The following LRP1B variants were observed in gnomAD, a reference collection of about 807,000 sequenced individuals.
The protein encoded by LRP1B is low-density lipoprotein receptor-related protein 1B.
In LRP1B, 217 loss-of-function variants were observed where a neutral mutation model predicts 556.6. That is an observed-to-expected ratio of 0.39 (90% CI 0.35 to 0.44). The LOEUF (loss-of-function observed/expected upper bound fraction) is 0.44, where lower values mean the gene tolerates loss of function less well. LRP1B is among the 20% of genes least tolerant of loss of function. The pLI is 1.00. For synonymous variants in LRP1B, 2,047 were observed against 1,865.8 expected (o/e 1.10, Z -2.50); for missense variants, 5,053 against 5,620.8 (o/e 0.90, Z 3.23).
chr2:141,751,139 G>C (rs927446575), intron 2 of LRP1B, among the ~76,000 whole-genome samples: 2 of 151,846 alleles, frequency 1.3e-5, no homozygotes, highest in Non-Finnish European at 2.9e-5. Context: ...AGATATACTG[G>C]AGGAAAAAGT....
rs2105445529 is a variant in LRP1B, at chr2:141,049,020, T to C, written c.1755A>G (p.Ile585Met). 6.2e-7 allele frequency: 1 copy of C among 1,613,486 alleles called. No homozygotes were observed. The highest frequency in any genetic ancestry group is 1.1e-5 in the South Asian group (1 of 91,068). ...GGATGGTTTCTCTCTCTGTGCCATC[T>C]ATCTTCTGCCGGCCAATTAGGAAAC... ...TTSFLIGRQK[I>M]DGTERETILK... Residue 585 changes from isoleucine (I) to methionine (M), a missense_variant, in exon 11 of 91, where the codon ATA (isoleucine) becomes ATG (methionine). By Grantham distance (10) the Ile-to-Met change is conservative (BLOSUM62 1). Around this residue, in one of 5 missense-constraint regions of LRP1B, gnomAD observed 3,619 missense variants for 3,931.9 expected, o/e 0.92. Transcript: ENST00000389484.
intron 1 of LRP1B, among the ~76,000 whole-genome samples, chr2:141,850,284 A>G (rs1375371585): frequency 6.6e-6 from 1 of 151,718 alleles, no homozygotes; most frequent in African/African-American, 2.4e-5. Context: ...GTACTTAGCA[A>G]AACAATCTGA....
At chr2:140,741,729 T>C (rs540189604) in intron 35 of LRP1B, among the ~76,000 whole-genome samples, 1 of 151,624 alleles carries the variant, frequency 6.6e-6, no homozygotes, top group South Asian at 2.1e-4. Flanking sequence ...AGTCAGAACA[T>C]CCACTATTTG....
intron 12 of LRP1B, among the ~76,000 whole-genome samples, chr2:141,017,163 T>C (rs1157338107): frequency 1.3e-5 from 2 of 151,738 alleles, no homozygotes; most frequent in African/African-American, 4.8e-5. Flanking sequence ...GATTTTTTAA[T>C]TGGGACAACT....
chr2:141,188,075 C>T (rs752140392), intron 7 of LRP1B, among the ~76,000 whole-genome samples: 7 of 151,848 alleles, frequency 4.6e-5, no homozygotes, highest in East Asian at 1.9e-4. Context: ...GGTTTGCTAA[C>T]GAAAAAGTCC....
intron 55 of LRP1B, among the ~76,000 whole-genome samples, chr2:140,500,121 T>G (rs986981158): frequency 2.6e-5 from 4 of 152,008 alleles, no homozygotes; most frequent in African/African-American, 4.8e-5. Flanking sequence ...TGTAATATAT[T>G]GTTTATGAAT....
intron 41 of LRP1B, among the ~76,000 whole-genome samples, chr2:140,637,560 G>A (rs1265623948): frequency 6.6e-5 from 10 of 152,008 alleles, no homozygotes; most frequent in Non-Finnish European, 7.4e-5. Flanking sequence ...TATGAATTTT[G>A]TTTTAGAGTT....
intron 9 of LRP1B, among the ~76,000 whole-genome samples, chr2:141,058,667 C>T (rs535363885): frequency 6.6e-6 from 1 of 151,932 alleles, no homozygotes; most frequent in African/African-American, 2.4e-5. Flanking sequence ...GCTATCATTT[C>T]AATTCTATCA....
Position 140,592,744 on chromosome 2 carries a change from A to G in LRP1B, c.7194+5887T>C, listed in dbSNP as rs369271618. 9.2e-5 allele frequency among the ~76,000 whole-genome samples: 14 copies of G among 152,278 alleles called. No homozygotes were observed. The East Asian group carries it at 1.4e-3, about 15-fold the overall frequency. ...TTTATGGAATAAAACAACTGATTTT[A>G]AAAGTAGAAAGATAGAGAGACCCCC... On this transcript the variant is annotated intron_variant, in intron 43 of 90. Coordinates refer to ENST00000389484, the MANE Select transcript of LRP1B (RefSeq NM_018557.3).
At chr2:141,905,778 T>C (rs1321183212) in intron 1 of LRP1B, among the ~76,000 whole-genome samples, 2 of 149,790 alleles carry the variant, frequency 1.3e-5, no homozygotes, top group Admixed American at 6.7e-5. Context: ...TGTGTGTGTG[T>C]GTGTGTGTGT....
intron 66 of LRP1B, among the ~76,000 whole-genome samples, chr2:140,409,277 G>T (rs1553461238): frequency 1.3e-5 from 2 of 151,786 alleles, no homozygotes; most frequent in Non-Finnish European, 2.9e-5. Flanking sequence ...TATAAAGTCG[G>T]TGATGTGATA....
intron 6 of LRP1B, among the ~76,000 whole-genome samples, chr2:141,216,910 C>G (rs575503015): frequency 6.6e-6 from 1 of 152,076 alleles, no homozygotes; most frequent in Admixed American, 6.5e-5. Context: ...CTTGATTTTA[C>G]AGGCTTATAA....
At chr2:141,220,668 G>T (rs902142581) in intron 6 of LRP1B, among the ~76,000 whole-genome samples, 1 of 148,234 alleles carries the variant, frequency 6.7e-6, no homozygotes, top group Non-Finnish European at 1.5e-5. Flanking sequence ...CAGAGAGAAA[G>T]GCCAGGTCAC....
chr2:141,959,034 C>G (rs781699943), intron 1 of LRP1B, among the ~76,000 whole-genome samples: 1 of 151,954 alleles, frequency 6.6e-6, no homozygotes, highest in Non-Finnish European at 1.5e-5. Context: ...AATTAATCAG[C>G]CTTACCATCT....
At chr2:141,733,249 C>CATGACCAAATTT (rs1693344350) in intron 2 of LRP1B, among the ~76,000 whole-genome samples, 1 of 152,106 alleles carries the variant, frequency 6.6e-6, no homozygotes, top group Non-Finnish European at 1.5e-5. Flanking sequence ...CATGATACCA[C>CATGACCAAATTT]AAGGTTCCAG....
intron 45 of LRP1B, among the ~76,000 whole-genome samples, chr2:140,538,868 T>C (rs1257211282): frequency 6.6e-6 from 1 of 151,832 alleles, no homozygotes; most frequent in East Asian, 2.0e-4. Flanking sequence ...TTTATAATCT[T>C]AGTGCCTTTG....
At chr2:140,843,678 C>T (rs1216807946) in intron 29 of LRP1B, among the ~76,000 whole-genome samples, 2 of 152,154 alleles carry the variant, frequency 1.3e-5, no homozygotes, top group African/African-American at 4.8e-5. Context: ...AATAGGCTAG[C>T]TGATCAACAA....
intron 83 of LRP1B, among the ~76,000 whole-genome samples, chr2:140,298,712 C>T (rs1046109622): frequency 3.9e-5 from 6 of 152,034 alleles, no homozygotes; most frequent in African/African-American, 1.2e-4. Flanking sequence ...GGACTAACAT[C>T]AGGATGAAAG....
At chr2:141,020,389 T>A (rs1698031064) in intron 11 of LRP1B, among the ~76,000 whole-genome samples, 1 of 152,066 alleles carries the variant, frequency 6.6e-6, no homozygotes, top group African/African-American at 2.4e-5. Flanking sequence ...TTCAATTTAT[T>A]GTAATTCAGT....
Sources: allele counts gnomAD v4.1 joint callset (sites outside exome capture counted in the v4.1 genomes callset), GRCh38; gene constraint gnomAD v4.1.1; regional missense constraint gnomAD v4.1.1; transcripts MANE v1.5; gene names NCBI Gene and HGNC (gene_info 2026-07-23, HGNC 2026-07-21).